Variants in FAM168A observed in about 807,000 individuals in gnomAD.
FAM168A encodes protein FAM168A.
In FAM168A, 3 loss-of-function variants were observed where a neutral mutation model predicts 28.5. That is an observed-to-expected ratio of 0.11 (90% confidence interval 0.05 to 0.27). The LOEUF (loss-of-function observed/expected upper bound fraction) is 0.27, where lower values mean the gene tolerates loss of function less well. FAM168A is among the 10% of genes least tolerant of loss of function. The pLI, the probability that FAM168A is intolerant of heterozygous loss-of-function variation, is 1.00. For synonymous variants in FAM168A, 122 were observed against 124.2 expected (o/e 0.98, Z 0.12); for missense variants, 222 against 311.5 (o/e 0.71, Z 2.16).
chr11:73,413,752 T>C (rs1321706479), intron 4 of FAM168A, among the ~76,000 whole-genome samples: 1 of 152,220 alleles, frequency 6.6e-6, no homozygotes, highest in Non-Finnish European at 1.5e-5. Flanking sequence ...TTTTATTCCA[T>C]GACCCTGAGA....
intron 1 of FAM168A, among the ~76,000 whole-genome samples, chr11:73,535,881 T>C (rs1374451926): frequency 6.6e-6 from 1 of 151,550 alleles, no homozygotes; most frequent in African/African-American, 2.4e-5. Flanking sequence ...ACATTTTTTT[T>C]TTTTTGAGAC....
intron 1 of FAM168A, among the ~76,000 whole-genome samples, chr11:73,531,604 C>G (rs1329965820): frequency 6.6e-6 from 1 of 151,994 alleles, no homozygotes; most frequent in Non-Finnish European, 1.5e-5. Flanking sequence ...ATCTTGAGAG[C>G]CCCAGACCAG....
rs1866495539 is a variant in FAM168A, at chr11:73,405,850, T to C, written c.*913A>G. The stretch of plus-strand genomic sequence containing the variant: ...GAAGCTCCTCATCAGAGTGGGTCCA[T>C]GACAGCTCAGAGGCTGAAGTCTGGA... On this transcript the variant is annotated 3_prime_UTR_variant, in exon 8 of 8. Transcript: ENST00000356467. The C allele has an allele frequency of 6.6e-6, 1 of 152,482 alleles. No homozygotes were observed. 9.4% of individuals were successfully genotyped at this position (152,482 alleles called of 1,614,324 possible).
rs2134465664 is a variant in FAM168A, at chr11:73,401,101, A to ATTATTATTATTATT, written c.*5661_*5662insAATAATAATAATAA. 1.3e-5 allele frequency: 2 copies of ATTATTATTATTATT among 148,970 alleles called. No individual in the cohort carries two copies. Among genetic ancestry groups the ATTATTATTATTATT allele is most frequent in the African/African-American group, 4.9e-5 (2 of 40,944 alleles). The allele number at this position is 148,970 out of a possible 1,614,324, so 9.2% of individuals were successfully genotyped here. A position where few individuals can be genotyped will look rare whatever the true frequency, so the allele number is the denominator to read the frequency against. ...AAGGTTTATTATTATTATTATTATTATTATTATTATTTTAAATTTTATTTC... is the reference window on the plus strand; with the variant it reads ...AAGGTTTATTATTATTATTATTATTATTATTATTATTATTTTATTATTATTTTAAATTTTATTTC... On this transcript the variant is annotated 3_prime_UTR_variant, in exon 8 of 8. Transcript: ENST00000356467.
At chr11:73,429,698 C>G (rs537553411) in intron 3 of FAM168A, among the ~76,000 whole-genome samples, 2 of 152,318 alleles carry the variant, frequency 1.3e-5, no homozygotes, top group Admixed American at 1.3e-4. Context: ...ACTTTCACCC[C>G]CAGGCAGACC....
chr11:73,597,605 A>T (rs1247098885), intron 1 of FAM168A, among the ~76,000 whole-genome samples: 1 of 148,610 alleles, frequency 6.7e-6, no homozygotes, highest in East Asian at 2.0e-4. Context: ...CCCTAGTCTC[A>T]TCTTCCACCT....
chr11:73,419,966 T>A lies in FAM168A; in HGVS notation c.185A>T (p.Asn62Ile), dbSNP rs974371987. Residue 62 changes from asparagine (N) to isoleucine (I), a missense_variant, in exon 4 of 8, where the codon AAC becomes ATC. Coordinates refer to ENST00000356467, the MANE Select transcript of FAM168A (RefSeq NM_015159.3). ...GCCTTCAGTGCCACAGGAAGACGAG[T>A]TCTGTGGCCAGGCCTGTTTCATCAG... is the stretch of plus-strand genomic sequence containing the variant. ...TLLMKQAWPQ[N>I]SSSCGTEGTF... 1 of 1,613,466 alleles carries A rather than the reference T, an allele frequency of 6.2e-7. No individual in the cohort carries two copies. Among genetic ancestry groups the A allele is most frequent in the Non-Finnish European group, 8.5e-7 (1 of 1,179,760 alleles).
chr11:73,595,392 G>A (rs556675342), intron 1 of FAM168A, among the ~76,000 whole-genome samples: 24 of 152,160 alleles, frequency 1.6e-4, no homozygotes, highest in African/African-American at 5.3e-4. Context: ...ATGCTCAATC[G>A]TGAAAGCCAA....
intron 1 of FAM168A, among the ~76,000 whole-genome samples, chr11:73,562,436 A>C (rs561291987): frequency 6.6e-6 from 1 of 152,084 alleles, no homozygotes; most frequent in East Asian, 1.9e-4. Flanking sequence ...TTCAAGGAGA[A>C]AGTGTTTTCC....
At chr11:73,418,965 T>C (rs564718045) in intron 4 of FAM168A, among the ~76,000 whole-genome samples, 15 of 152,030 alleles carry the variant, frequency 9.9e-5, no homozygotes, top group Non-Finnish European at 1.6e-4. Context: ...CCCACCACCA[T>C]GCCCGGCTAA....
chr11:73,465,072 C>T (rs975352313), intron 2 of FAM168A, among the ~76,000 whole-genome samples: 2 of 151,514 alleles, frequency 1.3e-5, no homozygotes, highest in Non-Finnish European at 2.9e-5. Context: ...AGGCACGACA[C>T]GAGAAGCTTT....
chr11:73,477,464 C>G (rs1415377561), intron 1 of FAM168A, among the ~76,000 whole-genome samples: 1 of 151,582 alleles, frequency 6.6e-6, no homozygotes, highest in Admixed American at 6.6e-5. Flanking sequence ...ACAACAACAA[C>G]AACACATATT....
At chr11:73,435,761 C>T (rs531269745) in intron 2 of FAM168A, among the ~76,000 whole-genome samples, 3 of 152,252 alleles carry the variant, frequency 2.0e-5, no homozygotes, top group African/African-American at 7.2e-5. Context: ...TCTTGTGACA[C>T]ATGACTGTAC....
chr11:73,432,978 C>G (rs988981593), intron 2 of FAM168A, among the ~76,000 whole-genome samples: 6 of 151,224 alleles, frequency 4.0e-5, no homozygotes, highest in African/African-American at 9.7e-5. Context: ...ATGGCAGGAT[C>G]ATAGCTCACT....
At chr11:73,553,308 A>C (rs960218742) in intron 1 of FAM168A, among the ~76,000 whole-genome samples, 1 of 152,178 alleles carries the variant, frequency 6.6e-6, no homozygotes, top group African/African-American at 2.4e-5. Flanking sequence ...TGGTTTCAAG[A>C]AGGGCCCTCA....
intron 1 of FAM168A, among the ~76,000 whole-genome samples, chr11:73,523,364 T>C (rs1306877291): frequency 6.6e-6 from 1 of 152,190 alleles, no homozygotes; most frequent in Non-Finnish European, 1.5e-5. Context: ...GGTCCTGCTA[T>C]GTTGCACAGG....
At chr11:73,593,636 T>C (rs1248598011) in intron 1 of FAM168A, among the ~76,000 whole-genome samples, 1 of 152,220 alleles carries the variant, frequency 6.6e-6, no homozygotes, top group Non-Finnish European at 1.5e-5. Flanking sequence ...AAGAACTCAT[T>C]GGTAGGGCAC....
intron 1 of FAM168A, among the ~76,000 whole-genome samples, chr11:73,532,843 G>GA (rs1943530741): frequency 6.6e-6 from 1 of 152,236 alleles, no homozygotes; most frequent in African/African-American, 2.4e-5. Flanking sequence ...ATGAGTCCCA[G>GA]ACACTGTCAT....
At chr11:73,585,494 C>G (rs11235813) in intron 1 of FAM168A, among the ~76,000 whole-genome samples, 3 of 152,160 alleles carry the variant, frequency 2.0e-5, no homozygotes, top group Non-Finnish European at 4.4e-5. Flanking sequence ...AATTAACAAT[C>G]TAGGGAAAAT....
Sources: gnomAD v4.1 joint callset for allele counts (sites outside exome capture counted in the v4.1 genomes callset) on GRCh38, gnomAD v4.1.1 for gene constraint, MANE v1.5 for transcripts, NCBI Gene and HGNC (gene_info 2026-07-23, HGNC 2026-07-21) for gene names.